Variants in GPR158 observed in about 807,000 individuals in gnomAD.
The protein encoded by GPR158 is G protein-coupled receptor 158, also known as metabotropic glycine receptor.
A neutral mutation model predicts 78.2 loss-of-function variants in GPR158; 30 were observed. The ratio of observed to expected loss-of-function variants is 0.38; its 90% CI spans 0.29 to 0.52. The LOEUF is 0.52. GPR158 is among the 20% of genes least tolerant of loss of function. GPR158 has a pLI of 0.83. For synonymous variants in GPR158, 581 were observed against 591.1 expected (o/e 0.98, Z 0.25); for missense variants, 1,463 against 1,523.5 (o/e 0.96, Z 0.66).
chr10:25,597,637 A>G (rs1023284916), intron 10 of GPR158, 135 bp from the exon 11 acceptor site: 98 of 548,046 alleles, frequency 1.8e-4, no homozygotes, highest in Middle Eastern at 1.0e-3. Context: ...CGACAAGTAC[A>G]TATGTCAGAG....
chr10:25,209,571 A>G (rs1159168323), intron 1 of GPR158, among the ~76,000 whole-genome samples: 1 of 152,176 alleles, frequency 6.6e-6, no homozygotes, highest in Non-Finnish European at 1.5e-5. Context: ...CACACACACA[A>G]TTTATTTTAA....
In GPR158 at chr10:25,228,910, C is replaced by T. The variant is rs1408819552; in HGVS notation, c.1008+7753C>T. Among the ~76,000 whole-genome samples the T allele has an allele frequency of 2.6e-5, 4 of 151,908 alleles. No homozygotes were observed. The East Asian group carries it at 7.8e-4, about 30-fold the overall frequency. On this transcript the variant is annotated intron_variant, in intron 2 of 10. Coordinates refer to ENST00000376351, the MANE Select transcript of GPR158 (RefSeq NM_020752.3). ...ATTATTCGGTTGTGGTGGCAGGTGC[C>T]TAAAATCCCAGCTACTCGGGAGGCT...
At chr10:25,293,958 G>A (rs992295930) in intron 2 of GPR158, among the ~76,000 whole-genome samples, 9 of 151,918 alleles carry the variant, frequency 5.9e-5, no homozygotes, top group African/African-American at 2.2e-4. Flanking sequence ...TGTTGGCCAG[G>A]CTGGTCTTGA....
At chr10:25,398,482 A>G (rs1834398066) in intron 3 of GPR158, among the ~76,000 whole-genome samples, 1 of 152,174 alleles carries the variant, frequency 6.6e-6, no homozygotes. Flanking sequence ...TATCTGGTTT[A>G]CCCACATTTG....
intron 2 of GPR158, among the ~76,000 whole-genome samples, chr10:25,345,859 T>G (rs1242557031): frequency 1.3e-5 from 2 of 151,788 alleles, no homozygotes; most frequent in Non-Finnish European, 2.9e-5. Context: ...CATAATCCAT[T>G]TTAGTGATGC....
At chr10:25,422,856 C>G (rs1341511102) in intron 4 of GPR158, among the ~76,000 whole-genome samples, 1 of 147,392 alleles carries the variant, frequency 6.8e-6, no homozygotes, top group Non-Finnish European at 1.5e-5. Context: ...CCTTACCCCC[C>G]CCACACTTTC....
intron 5 of GPR158, among the ~76,000 whole-genome samples, chr10:25,528,424 C>A (rs567437299): frequency 5.3e-5 from 8 of 151,818 alleles, no homozygotes; most frequent in African/African-American, 1.4e-4. Context: ...CATTAAAAAA[C>A]CTGAAGAAAT....
intron 5 of GPR158, among the ~76,000 whole-genome samples, chr10:25,521,059 G>T (rs1357127281): frequency 6.6e-6 from 1 of 152,224 alleles, no homozygotes; most frequent in Non-Finnish European, 1.5e-5. Context: ...GTGGGATATA[G>T]TCTCGTGGTG....
intron 2 of GPR158, among the ~76,000 whole-genome samples, chr10:25,337,183 A>G (rs892159882): frequency 6.6e-6 from 1 of 152,104 alleles, no homozygotes; most frequent in African/African-American, 2.4e-5. Flanking sequence ...AAAGACATAC[A>G]TATAGTAAAC....
At chr10:25,544,054 A>T (rs529135773) in intron 5 of GPR158, among the ~76,000 whole-genome samples, 1 of 152,274 alleles carries the variant, frequency 6.6e-6, no homozygotes, top group Non-Finnish European at 1.5e-5. Flanking sequence ...GCTGCTGCTG[A>T]TCCTGGATGT....
chr10:25,372,037 G>A (rs987058035), intron 2 of GPR158, among the ~76,000 whole-genome samples: 17 of 151,894 alleles, frequency 1.1e-4, no homozygotes, highest in Admixed American at 2.0e-4. Flanking sequence ...CCGTCAAAAA[G>A]TGGGCGAAGG....
intron 2 of GPR158, among the ~76,000 whole-genome samples, chr10:25,288,233 G>T (rs1252979997): frequency 2.0e-5 from 3 of 152,110 alleles, no homozygotes; most frequent in African/African-American, 7.2e-5. Flanking sequence ...AGTAGATTTG[G>T]GGGTTTGAAC....
intron 2 of GPR158, among the ~76,000 whole-genome samples, chr10:25,285,066 TTGTG>T (rs149094801): frequency 1.4e-4 from 21 of 149,148 alleles, no homozygotes; most frequent in African/African-American, 3.7e-4. Flanking sequence ...GTTCTATTCA[TTGTG>T]TGTGTGTGTG....
intron 3 of GPR158, among the ~76,000 whole-genome samples, chr10:25,405,352 T>A (rs576181563): frequency 6.6e-6 from 1 of 152,130 alleles, no homozygotes; most frequent in African/African-American, 2.4e-5. Context: ...AGATACTTTT[T>A]TTTAACTGTA....
chr10:25,470,689 G>T (rs1835487916), intron 5 of GPR158, among the ~76,000 whole-genome samples: 1 of 152,128 alleles, frequency 6.6e-6, no homozygotes, highest in African/African-American at 2.4e-5. Context: ...TACACTTCCT[G>T]TATAAATGGA....
At chr10:25,244,238 T>C (rs988035255) in intron 2 of GPR158, 3 of 152,234 alleles carry the variant, frequency 2.0e-5, no homozygotes, top group Non-Finnish European at 4.4e-5. Context: ...ATCCTTCATG[T>C]ATTCAGTAGC....
intron 4 of GPR158, among the ~76,000 whole-genome samples, chr10:25,432,897 G>A (rs561155808): frequency 1.3e-5 from 2 of 152,154 alleles, no homozygotes; most frequent in Admixed American, 6.5e-5. Context: ...CTGTTCCAGT[G>A]TGGGGTTGGT....
chr10:25,215,299 G>A (rs144831786), intron 1 of GPR158, among the ~76,000 whole-genome samples: 306 of 152,194 alleles, frequency 2.0e-3, no homozygotes, highest in Non-Finnish European at 3.2e-3. Context: ...ACATACATGA[G>A]GAACCTAGAG....
intron 1 of GPR158, among the ~76,000 whole-genome samples, chr10:25,188,995 A>G (rs1175925625): frequency 1.3e-5 from 2 of 152,242 alleles, no homozygotes; most frequent in Non-Finnish European, 2.9e-5. Context: ...ACCCTTCTCA[A>G]AAGAAGACAT....
Sources: gnomAD v4.1 joint callset for allele counts (sites outside exome capture counted in the v4.1 genomes callset) on GRCh38, gnomAD v4.1.1 for gene constraint, MANE v1.5 for transcripts, NCBI Gene and HGNC (gene_info 2026-07-23, HGNC 2026-07-21) for gene names.